Variants in COL6A3 observed in about 807,000 individuals in gnomAD.
COL6A3 encodes the protein collagen alpha-3(VI) chain.
A neutral mutation model predicts 274.1 loss-of-function variants in COL6A3; 137 were observed. That is an observed-to-expected ratio of 0.50 (90% confidence interval 0.44 to 0.58). The LOEUF (loss-of-function observed/expected upper bound fraction) is 0.58. Ranked by LOEUF, COL6A3 falls within the 20% of genes least tolerant of loss-of-function variation. COL6A3 has a pLI of 0.00. For missense variants in COL6A3, 3,950 were observed against 4,124.9 expected, an observed-to-expected ratio of 0.96 and a Z score of 1.16; for synonymous variants, 1,650 against 1,650.6, an observed-to-expected ratio of 1.00 and a Z score of 0.01.
At position 237,372,113 on chromosome 2, in the gene COL6A3, G is replaced by A. The variant is rs753747458; in HGVS notation, c.3904C>T (p.Leu1302=). The part of the protein sequence containing the change: ...KDEVQNAVQR[L]RPKGGRQINV... ...ATCTGCCGCCCTCCCTTGGGCCTCA[G>A]CCGCTGCACCGCGTTCTGCACTTCA... Residue 1302 remains leucine, a synonymous_variant, in exon 9 of 44, where the codon CTG becomes TTG. Transcript: ENST00000295550. 1.2e-6 allele frequency: 2 copies of A among 1,614,058 alleles called. No homozygotes were observed. Among genetic ancestry groups the A allele is most frequent in the Non-Finnish European group, 1.7e-6 (2 of 1,180,028 alleles).
At chr2:237,406,058 C>T (rs560135391) in intron 1 of COL6A3, among the ~76,000 whole-genome samples, 73 of 152,196 alleles carry the variant, frequency 4.8e-4, no homozygotes, top group African/African-American at 1.6e-3. Context: ...TACTCTGCCT[C>T]ATTCTAAAAA....
chr2:237,360,391 G>A (rs1469691142), intron 16 of COL6A3, among the ~76,000 whole-genome samples: 1 of 152,132 alleles, frequency 6.6e-6, no homozygotes, highest in Non-Finnish European at 1.5e-5. Context: ...GAGGGTAGCA[G>A]CGCAGACAGC....
intron 2 of COL6A3, 59 bp downstream of exon 2, chr2:237,396,668 A>T (rs993449825): frequency 3.2e-6 from 5 of 1,543,966 alleles, no homozygotes; most frequent in African/African-American, 1.4e-5. Context: ...GATGTCTAAG[A>T]TCTAAAATCA....
rs2106404595 is a variant in COL6A3 at position 237,407,022 on chromosome 2, A to T, written c.-31+6931T>A. On this transcript the variant is annotated intron_variant, in intron 1 of 43. Transcript: ENST00000295550. This position sits in a 1 kb window ranked among gnomAD's most constrained non-coding sequence, Gnocchi z 4.3. ...CTTCCTGAGATCAAGCAATCCTCCCACCTCAGCCTCCCAAGTAGCTAGGAC... is the reference window on the plus strand; with the variant it reads ...CTTCCTGAGATCAAGCAATCCTCCCTCCTCAGCCTCCCAAGTAGCTAGGAC... 6.9e-6 allele frequency among the ~76,000 whole-genome samples: 1 copy of T among 145,622 alleles called. No homozygotes were observed. Among genetic ancestry groups the T allele is most frequent in the Non-Finnish European group, 1.5e-5 (1 of 67,230 alleles).
chr2:237,353,730 G>A (rs976565439), intron 24 of COL6A3, among the ~76,000 whole-genome samples: 6 of 152,134 alleles, frequency 3.9e-5, no homozygotes, highest in Non-Finnish European at 8.8e-5. Flanking sequence ...AGGTGAGCAC[G>A]TTCTGGAAGA....
At chr2:237,358,880 C>A (rs1388331164) in intron 20 of COL6A3, among the ~76,000 whole-genome samples, 155 bp downstream of exon 20, 1 of 152,128 alleles carries the variant, frequency 6.6e-6, no homozygotes, top group African/African-American at 2.4e-5. Context: ...TGTGTCAGAG[C>A]TGAGAGGGGA....
intron 42 of COL6A3, chr2:237,326,356 T>G (rs1237649436): frequency 6.6e-6 from 1 of 152,138 alleles, no homozygotes; most frequent in African/African-American, 2.4e-5. Flanking sequence ...GATGTAAAAT[T>G]CATGATGGCA....
intron 14 of COL6A3, among the ~76,000 whole-genome samples, chr2:237,362,349 C>T (rs995881555): frequency 4.6e-5 from 7 of 152,212 alleles, no homozygotes; most frequent in African/African-American, 1.7e-4. Context: ...TGGTCCTGGC[C>T]TCGGAGCCAA....
At chr2:237,411,564 G>A (rs140354333) in intron 1 of COL6A3, among the ~76,000 whole-genome samples, 118 of 152,334 alleles carry the variant, frequency 7.7e-4, no homozygotes, top group Non-Finnish European at 1.4e-3. Flanking sequence ...AGGATGAGCA[G>A]CCTCATTGGA....
In COL6A3 at chr2:237,344,342, G is replaced by A; in HGVS notation, c.7668+8C>T. 6.2e-7 allele frequency: 1 copy of A among 1,614,172 alleles called. No homozygotes were observed. The highest frequency in any genetic ancestry group is 1.1e-5 in the South Asian group (1 of 91,086). On this transcript the variant is annotated splice_region_variant and intron_variant, in intron 36 of 43. Coordinates refer to ENST00000295550, the MANE Select transcript of COL6A3 (RefSeq NM_004369.4). This position sits in a 1 kb window ranked among gnomAD's most constrained non-coding sequence, Gnocchi z 4.8. ...GGGAGATGCCAACAGCACGCACAGAGCACAGACCTGCAAAGCGTTGATGAG... is the reference window on the plus strand; with the variant it reads ...GGGAGATGCCAACAGCACGCACAGAACACAGACCTGCAAAGCGTTGATGAG...
intron 40 of COL6A3, among the ~76,000 whole-genome samples, chr2:237,335,727 A>T (rs1229157640): frequency 6.6e-6 from 1 of 152,228 alleles, no homozygotes; most frequent in South Asian, 2.1e-4. Context: ...GTCCGGCTCC[A>T]TACACCAGCC....
chr2:237,383,554 C>T (rs1237194337), intron 4 of COL6A3, among the ~76,000 whole-genome samples: 3 of 151,622 alleles, frequency 2.0e-5, no homozygotes, highest in Non-Finnish European at 4.4e-5. Flanking sequence ...CACACATACA[C>T]GTATATAGAC....
chr2:237,338,592 A>G (rs994480314), intron 39 of COL6A3, among the ~76,000 whole-genome samples: 2 of 151,864 alleles, frequency 1.3e-5, no homozygotes, highest in Non-Finnish European at 2.9e-5. Context: ...GCGAAACCCC[A>G]TCTCTACTGA....
intron 3 of COL6A3, among the ~76,000 whole-genome samples, chr2:237,394,160 A>G (rs369143225): frequency 3.3e-5 from 5 of 152,360 alleles, no homozygotes; most frequent in African/African-American, 9.6e-5. Context: ...TCCACTGGAC[A>G]CAAAAACAGA....
intron 1 of COL6A3, among the ~76,000 whole-genome samples, chr2:237,411,022 T>C (rs1183773557): frequency 6.6e-6 from 1 of 152,238 alleles, no homozygotes; most frequent in Non-Finnish European, 1.5e-5. Flanking sequence ...TTTCTTTAAA[T>C]GTCAGGTCCC....
At chr2:237,401,724 AC>A (rs2078595420) in intron 1 of COL6A3, among the ~76,000 whole-genome samples, 2 of 151,656 alleles carry the variant, frequency 1.3e-5, no homozygotes, top group Non-Finnish European at 2.9e-5. Flanking sequence ...TCCCTCTGTC[AC>A]CCAGACTGGA....
intron 4 of COL6A3, among the ~76,000 whole-genome samples, chr2:237,386,764 G>A (rs907332522): frequency 7.9e-5 from 12 of 152,326 alleles, no homozygotes; most frequent in Non-Finnish European, 1.3e-4. Context: ...CTATTGGCCT[G>A]ACCTAGGTAA....
Position 237,381,139 on chromosome 2 carries a change from C to T in COL6A3, c.1673G>A (p.Gly558Asp), listed in dbSNP as rs2106369913. Residue 558 changes from glycine (G) to aspartate (D), a missense_variant, in exon 5 of 44, where the codon GGT (glycine) becomes GAT (aspartate). By Grantham distance (94) the Gly-to-Asp change is moderately conservative. This residue lies in a region of COL6A3 where 1,934 missense variants were observed against 1,984.3 expected (regional missense o/e 0.97). Transcript: ENST00000295550. ...GIPKLLVLIT[G>D]GKSLDEISQP... is the part of the protein sequence containing the mutation. ...GCTGATTTCATCTAGGGACTTACCA[C>T]CTGTGATCAGCACCAAAAGCTTAGG... 2 of 1,614,270 alleles carry T rather than the reference C, an allele frequency of 1.2e-6. No homozygotes were observed. Among genetic ancestry groups the T allele is most frequent in the Non-Finnish European group, 1.7e-6 (2 of 1,180,052 alleles).
In COL6A3 at chr2:237,366,797, A is replaced by G. The variant is rs1458924459; in HGVS notation, c.5390T>C (p.Phe1797Ser). 6.2e-7 allele frequency: 1 copy of G among 1,614,128 alleles called. No individual in the cohort carries two copies. Among genetic ancestry groups the G allele is most frequent in the African/African-American group, 1.3e-5 (1 of 74,932 alleles). Residue 1797 changes from phenylalanine to serine, a missense_variant, in exon 11 of 44, where the codon TTC (phenylalanine) becomes TCC (serine). Coordinates refer to ENST00000295550, the MANE Select transcript of COL6A3 (RefSeq NM_004369.4). ...CAGCTCCTGGACGTTGCCCACGCGGAACGCTGTGGCGCTGTTGGACGCTAT... is the reference window on the plus strand; with the variant it reads ...CAGCTCCTGGACGTTGCCCACGCGGGACGCTGTGGCGCTGTTGGACGCTAT... ...GKIASNSATA[F>S]RVGNVQELSE...
Sources: allele counts gnomAD v4.1 joint callset (sites outside exome capture counted in the v4.1 genomes callset), GRCh38; gene constraint gnomAD v4.1.1; regional missense constraint gnomAD v4.1.1; non-coding constraint Gnocchi (gnomAD v3.1); transcripts MANE v1.5; gene names NCBI Gene and HGNC (gene_info 2026-07-23, HGNC 2026-07-21).